Variants in KIAA0513 observed in about 807,000 individuals in gnomAD.
The protein encoded by KIAA0513 is uncharacterized protein KIAA0513.
In KIAA0513, 39 loss-of-function variants were observed where a neutral mutation model predicts 56.5. That is an observed-to-expected ratio of 0.69 (90% CI 0.53 to 0.90). The LOEUF (loss-of-function observed/expected upper bound fraction) is 0.90, where lower values mean the gene tolerates loss of function less well. KIAA0513 is among the 40% of genes least tolerant of loss of function. KIAA0513 has a pLI of 0.00. For synonymous variants in KIAA0513, 268 were observed against 215.6 expected (o/e 1.24, Z -2.13); for missense variants, 591 against 535.2 (o/e 1.10, Z -1.03).
chr16:85,056,397 C>T (rs1033986998), intron 1 of KIAA0513, among the ~76,000 whole-genome samples: 2 of 152,224 alleles, frequency 1.3e-5, no homozygotes, highest in South Asian at 4.1e-4. Context: ...CATCATACCA[C>T]ACTGCAGCGG....
intron 10 of KIAA0513, among the ~76,000 whole-genome samples, chr16:85,083,096 G>T (rs2073766949): frequency 1.3e-5 from 2 of 152,204 alleles, no homozygotes; most frequent in South Asian, 4.1e-4. Context: ...ACTCTTGGGT[G>T]TCCTGGGGCC....
chr16:85,072,872 T>C (rs2073598497), intron 3 of KIAA0513, 53 bp from the exon 4 acceptor site: 1 of 1,528,768 alleles, frequency 6.5e-7, no homozygotes, highest in East Asian at 2.3e-5. Context: ...CTTCACTGAG[T>C]GCTGCGTGTG....
rs1052753533 is a variant in KIAA0513, at chr16:85,071,956, T to G, written c.429+74T>G. ...TCTAGTGAAGCATAACAAATTTGAC[T>G]TTATCCTACAATGACACTCTGGAGA... On this transcript the variant is annotated intron_variant, in intron 3 of 12. Coordinates refer to ENST00000683363, the MANE Select transcript of KIAA0513 (RefSeq NM_001388359.1). The G allele has an allele frequency of 6.1e-5, 61 of 1,003,942 alleles. No homozygotes were observed. In the Middle Eastern group the frequency reaches 2.9e-3, roughly 48 times the overall value. The allele number at this position is 1,003,942 out of a possible 1,614,324, so 62.2% of individuals were successfully genotyped here.
chr16:85,058,595 T>A (rs34771435), intron 1 of KIAA0513, among the ~76,000 whole-genome samples: 9,896 of 150,382 alleles, frequency 0.066, 360 homozygotes, highest in Middle Eastern at 0.1. Context: ...AAGGTTGCGG[T>A]GAGCCAAGAT....
At chr16:85,053,577 T>C (rs900805190) in intron 1 of KIAA0513, among the ~76,000 whole-genome samples, 1 of 152,228 alleles carries the variant, frequency 6.6e-6, no homozygotes, top group African/African-American at 2.4e-5. Flanking sequence ...TCATGTTTTA[T>C]CAAACTTAAC....
intron 1 of KIAA0513, among the ~76,000 whole-genome samples, chr16:85,052,468 C>T (rs1039179723): frequency 6.6e-6 from 1 of 152,178 alleles, no homozygotes; most frequent in Non-Finnish European, 1.5e-5. Flanking sequence ...TCCATTGCAT[C>T]GTGCCATTGC....
At position 85,076,006 on chromosome 16, in the gene KIAA0513, A is replaced by T; in HGVS notation, c.574+92A>T. ...GAAGCTTTCTTCATGATAAAAAGCA[A>T]AAGCTATGGGGCCTCCAGAGAACAG... On this transcript the variant is annotated intron_variant, in intron 5 of 12. Transcript: ENST00000683363. This position sits in a 1 kb window ranked among gnomAD's most constrained non-coding sequence, Gnocchi z 4.7. The T allele has an allele frequency of 5.1e-6, 5 of 973,186 alleles. No individual in the cohort carries two copies. Among genetic ancestry groups the T allele is most frequent in the Non-Finnish European group, 8.3e-6 (5 of 603,832 alleles). 60.3% of individuals were successfully genotyped at this position (973,186 alleles called of 1,614,324 possible).
chr16:85,055,171 G>A (rs1006934175), intron 1 of KIAA0513, among the ~76,000 whole-genome samples: 3 of 151,846 alleles, frequency 2.0e-5, no homozygotes, highest in African/African-American at 4.8e-5. Context: ...GAGCCTCCCC[G>A]CCTTGGCCTC....
At chr16:85,047,311 C>G (rs974466625) in intron 1 of KIAA0513, among the ~76,000 whole-genome samples, 4 of 152,186 alleles carry the variant, frequency 2.6e-5, no homozygotes, top group African/African-American at 9.7e-5. Flanking sequence ...AGCCCAGGAG[C>G]TCGTAACAAC....
chr16:85,067,133 C>T lies in KIAA0513; in HGVS notation c.62C>T (p.Ser21Phe). Residue 21 changes from serine to phenylalanine, a missense_variant, in exon 2 of 13, where the codon TCT becomes TTT. By Grantham distance (155) the Ser-to-Phe change is radical. Transcript: ENST00000683363. ...LIDFGPEAPT[S>F]SPLEAPPPVL... ...GACTTTGGGCCTGAGGCACCCACCT[C>T]TTCTCCCCTGGAGGCACCACCCCCT... is the stretch of plus-strand genomic sequence containing the variant. 1 of 1,613,326 alleles carries T rather than the reference C, an allele frequency of 6.2e-7. No individual in the cohort carries two copies. Among genetic ancestry groups the T allele is most frequent in the Non-Finnish European group, 8.5e-7 (1 of 1,179,508 alleles).
chr16:85,084,512 C>A (rs1480688934), intron 10 of KIAA0513, among the ~76,000 whole-genome samples: 1 of 150,908 alleles, frequency 6.6e-6, no homozygotes, highest in Non-Finnish European at 1.5e-5. Context: ...TCACTGCAAC[C>A]TCTGCCTCCC....
At position 85,078,979 on chromosome 16, in the gene KIAA0513, C is replaced by A; in HGVS notation, c.878C>A (p.Thr293Lys). ...EKKGEKIYLY[T>K]HLKQQPIWHT... ...AAGGGGGAGAAGATCTACCTGTACA[C>A]GCACCTGAAGCAACAGCCCATCTGG... Residue 293 changes from threonine (T) to lysine (K), a missense_variant, in exon 8 of 13, where the codon ACG becomes AAG. Transcript: ENST00000683363. 1.2e-6 allele frequency: 2 copies of A among 1,614,200 alleles called. 1 individual carries two copies.
intron 1 of KIAA0513, among the ~76,000 whole-genome samples, chr16:85,046,913 A>G (rs1442035794): frequency 2.0e-5 from 3 of 152,104 alleles, no homozygotes; most frequent in Admixed American, 6.5e-5. Flanking sequence ...GCTAATTCCA[A>G]TGTCTCTGTT....
chr16:85,082,486 T>C, intron 9 of KIAA0513, 78 bp from the exon 10 acceptor site: 1 of 1,417,222 alleles, frequency 7.1e-7, no homozygotes. Context: ...CTCCTCTGCT[T>C]GTTCTCTTTT....
chr16:85,086,521 C>CT (rs977630092), intron 10 of KIAA0513, 123 bp from the exon 11 acceptor site: 20 of 905,622 alleles, frequency 2.2e-5, no homozygotes, highest in Non-Finnish European at 3.5e-5. Context: ...AAGGCACCCC[C>CT]TTCTGTGCCC....
At chr16:85,037,418 G>A (rs775521242) in intron 1 of KIAA0513, among the ~76,000 whole-genome samples, 2 of 152,170 alleles carry the variant, frequency 1.3e-5, no homozygotes, top group African/African-American at 2.4e-5. Flanking sequence ...GAAAGGAGGG[G>A]TGGAAGCCTC....
intron 1 of KIAA0513, among the ~76,000 whole-genome samples, chr16:85,041,464 T>C (rs1464997758): frequency 6.6e-6 from 1 of 152,218 alleles, no homozygotes; most frequent in Admixed American, 6.5e-5. Flanking sequence ...TCATCTTCTC[T>C]GTATGCGTCT....
chr16:85,059,703 C>G (rs556191930), intron 1 of KIAA0513, among the ~76,000 whole-genome samples: 1 of 152,212 alleles, frequency 6.6e-6, no homozygotes, highest in African/African-American at 2.4e-5. Flanking sequence ...ATGAACTGCT[C>G]TGATAATAGG....
chr16:85,042,400 G>A (rs984553380), intron 1 of KIAA0513, among the ~76,000 whole-genome samples: 1 of 152,092 alleles, frequency 6.6e-6, no homozygotes, highest in African/African-American at 2.4e-5. Context: ...CTATGTAAAG[G>A]GTCCTTATTC....
Sources: allele counts gnomAD v4.1 joint callset (sites outside exome capture counted in the v4.1 genomes callset), GRCh38; gene constraint gnomAD v4.1.1; non-coding constraint Gnocchi (gnomAD v3.1); transcripts MANE v1.5; gene names NCBI Gene and HGNC (gene_info 2026-07-23, HGNC 2026-07-21).